The following CEP162 variants were observed in gnomAD, a reference collection of about 807,000 sequenced individuals.
The protein encoded by CEP162 is centrosomal protein of 162 kDa.
Under a neutral mutation model 169.2 loss-of-function variants are expected in CEP162, and 141 were observed. That is an observed-to-expected ratio of 0.83 (90% CI 0.73 to 0.96). CEP162 has a LOEUF of 0.96. Among genes scored for constraint, CEP162 ranks in the 40% least tolerant of loss-of-function variants. The pLI, the probability that CEP162 is intolerant of heterozygous loss-of-function variation, is 0.00. For synonymous variants in CEP162, 540 were observed against 526.4 expected (o/e 1.03, Z -0.35); for missense variants, 1,600 against 1,587.2 (o/e 1.01, Z -0.14).
chr6:84,190,107 G>T (rs973423321), intron 11 of CEP162, among the ~76,000 whole-genome samples: 5 of 151,928 alleles, frequency 3.3e-5, no homozygotes, highest in African/African-American at 1.2e-4. Flanking sequence ...TTTATATCTA[G>T]CTCAGGGATT....
At chr6:84,221,508 T>C (rs2099553711) in intron 2 of CEP162, among the ~76,000 whole-genome samples, 1 of 152,108 alleles carries the variant, frequency 6.6e-6, no homozygotes, top group Admixed American at 6.5e-5. Context: ...TAAGAATAAA[T>C]AATGGCTGAA....
At chr6:84,147,168 G>GAAAT (rs1257513232) in intron 24 of CEP162, among the ~76,000 whole-genome samples, 1 of 152,058 alleles carries the variant, frequency 6.6e-6, no homozygotes. Context: ...AAATAAGAGG[G>GAAAT]AAATAATGTC....
At chr6:84,144,217 T>C (rs1014779342) in intron 25 of CEP162, among the ~76,000 whole-genome samples, 19 of 152,050 alleles carry the variant, frequency 1.2e-4, no homozygotes, top group Admixed American at 1.2e-3. Flanking sequence ...TTTGACGTGA[T>C]AAATTGTACA....
At chr6:84,193,563 A>G (rs1004711685) in intron 11 of CEP162, 46 bp downstream of exon 11, 7 of 1,141,698 alleles carry the variant, frequency 6.1e-6, no homozygotes, top group East Asian at 5.2e-5. Context: ...AGAACAAATG[A>G]CTATAAAAGT....
At chr6:84,207,210 A>C (rs1231457636) in intron 6 of CEP162, among the ~76,000 whole-genome samples, 1 of 152,220 alleles carries the variant, frequency 6.6e-6, no homozygotes, top group Non-Finnish European at 1.5e-5. Flanking sequence ...CAGCGATCCC[A>C]TTACTGGGTA....
At chr6:84,141,361 C>T (rs1236324701) in intron 25 of CEP162, among the ~76,000 whole-genome samples, 1 of 151,976 alleles carries the variant, frequency 6.6e-6, no homozygotes, top group Non-Finnish European at 1.5e-5. Context: ...CAAGTCTAGT[C>T]TAAGCAAACA....
chr6:84,205,521 C>G (rs555925818), intron 6 of CEP162, among the ~76,000 whole-genome samples: 46 of 152,222 alleles, frequency 3.0e-4, no homozygotes, highest in Admixed American at 1.0e-3. Flanking sequence ...ATTCAACAGC[C>G]CTTCATGCTA....
intron 3 of CEP162, 111 bp downstream of exon 3, chr6:84,220,946 C>T: frequency 1.9e-6 from 1 of 538,158 alleles, no homozygotes; most frequent in East Asian, 3.0e-5. Flanking sequence ...CAAAAATCCA[C>T]ACTATTAGTA....
chr6:84,136,870 G>T (rs2099514335), intron 25 of CEP162, among the ~76,000 whole-genome samples: 1 of 152,180 alleles, frequency 6.6e-6, no homozygotes, highest in South Asian at 2.1e-4. Flanking sequence ...TTCTGTGTCT[G>T]TTCTCCCCTT....
At chr6:84,125,402 G>A (rs62449273) in intron 26 of CEP162, 126 bp from the exon 27 acceptor site, 37,074 of 734,916 alleles carry the variant, frequency 0.05, 1,190 homozygotes, top group Admixed American at 0.099. Flanking sequence ...AATGCTCTGC[G>A]TGGATGCAAC....
chr6:84,182,155 C>T (rs1009472453), intron 13 of CEP162, among the ~76,000 whole-genome samples: 10 of 151,932 alleles, frequency 6.6e-5, no homozygotes, highest in African/African-American at 1.5e-4. Flanking sequence ...TCTCTACTTC[C>T]GTCCATTCAT....
intron 18 of CEP162, among the ~76,000 whole-genome samples, chr6:84,166,774 T>C (rs1311822334): frequency 2.6e-5 from 4 of 152,208 alleles, no homozygotes; most frequent in African/African-American, 9.7e-5. Flanking sequence ...TAATTGGCAC[T>C]AATTTTTAAG....
At chr6:84,166,066 A>G (rs2099527687) in intron 18 of CEP162, among the ~76,000 whole-genome samples, 1 of 152,224 alleles carries the variant, frequency 6.6e-6, no homozygotes, top group African/African-American at 2.4e-5. Context: ...TAATCATGCC[A>G]TCAATCAATG....
chr6:84,172,809 A>G (rs951530094), intron 16 of CEP162, among the ~76,000 whole-genome samples: 2 of 152,172 alleles, frequency 1.3e-5, no homozygotes, highest in African/African-American at 4.8e-5. Flanking sequence ...GGTTCAAGTT[A>G]CAGTTGTCAA....
In CEP162 at chr6:84,174,870, C is replaced by A. The variant is rs146750464; in HGVS notation, c.1882G>T (p.Gly628Cys). Reference protein sequence around the residue: ...RVQEAEDKWRGAQALIEQIKA... With the variant: ...RVQEAEDKWRCAQALIEQIKA... ...ATTTGCTCAATTAGGGCTTGCGCAC[C>A]CCTCCATTTATCCTCTGCTTCCTGA... Residue 628 changes from glycine (G) to cysteine (C), a missense_variant, in exon 15 of 27, where the codon GGT becomes TGT. Transcript: ENST00000403245. 4 of 1,564,038 alleles carry A rather than the reference C, an allele frequency of 2.6e-6. No homozygotes were observed. The African/African-American group carries it at 5.4e-5, about 21-fold the overall frequency.
chr6:84,132,554 T>G (rs1179237628), intron 25 of CEP162, among the ~76,000 whole-genome samples: 1 of 152,200 alleles, frequency 6.6e-6, no homozygotes, highest in Non-Finnish European at 1.5e-5. Context: ...TTTTACTCTT[T>G]TTTCTCTAAA....
Position 84,125,111 on chromosome 6 carries a change from G to A in CEP162, c.4171C>T (p.Pro1391Ser), listed in dbSNP as rs1451159190. ...RELHRQGVVVPVAFADEMNAP... is the reference protein window; with the variant it reads ...RELHRQGVVVSVAFADEMNAP... ...TTCATTTCATCTGCAAAAGCAACTG[G>A]CACAACCACTCCTTGCCGGTGCAGC... Residue 1391 changes from proline (P) to serine (S), a missense_variant, in exon 27 of 27, where the codon CCA becomes TCA. Transcript: ENST00000403245. 1 of 1,612,874 alleles carries A rather than the reference G, an allele frequency of 6.2e-7. No homozygotes were observed. Among genetic ancestry groups the A allele is most frequent in the Admixed American group, 1.7e-5 (1 of 59,800 alleles).
At chr6:84,153,998 G>T (rs560333077) in intron 22 of CEP162, among the ~76,000 whole-genome samples, 2 of 152,278 alleles carry the variant, frequency 1.3e-5, no homozygotes, top group East Asian at 3.9e-4. Context: ...GGTCTTGAGA[G>T]ATGACTGTTA....
Position 84,195,025 on chromosome 6 carries a change from A to G in CEP162, c.886T>C (p.Tyr296His), listed in dbSNP as rs1470126015. The G allele has an allele frequency of 3.1e-6, 5 of 1,610,746 alleles. No individual in the cohort carries two copies. Among genetic ancestry groups the G allele is most frequent in the South Asian group, 2.2e-5 (2 of 90,430 alleles). The change falls in exon 10 of 27, where the codon TAT becomes CAT. Residue 296 changes from tyrosine to histidine, a missense_variant. Coordinates refer to ENST00000403245, the MANE Select transcript of CEP162 (RefSeq NM_014895.4). ...SSDVEALHQA[Y>H]CHIAHSLGDE... The stretch of plus-strand genomic sequence containing the variant: ...CCCAATGAATGGGCTATATGACAAT[A>G]AGCTTGATGTAGGGCTTCAACGTCA...
Sources: allele counts gnomAD v4.1 joint callset (sites outside exome capture counted in the v4.1 genomes callset), GRCh38; gene constraint gnomAD v4.1.1; transcripts MANE v1.5; gene names NCBI Gene and HGNC (gene_info 2026-07-23, HGNC 2026-07-21).